Variants in BNC2 observed in about 807,000 individuals in gnomAD.
The protein encoded by BNC2 is zinc finger protein basonuclin-2.
A neutral mutation model predicts 76.3 loss-of-function variants in BNC2; 20 were observed. The observed-to-expected ratio is 0.26, with a 90% CI of 0.18 to 0.38. The LOEUF is 0.38. Among genes scored for constraint, BNC2 ranks in the 10% least tolerant of loss-of-function variants. The pLI, the probability that BNC2 is intolerant of heterozygous loss-of-function variation, is 1.00. For missense variants in BNC2, 1,382 were observed against 1,399.8 expected, an observed-to-expected ratio of 0.99 and a Z score of 0.20; for synonymous variants, 582 against 514.8, an observed-to-expected ratio of 1.13 and a Z score of -1.77.
At chr9:16,747,239 A>C (rs1288697942) in intron 1 of BNC2, among the ~76,000 whole-genome samples, 1 of 152,202 alleles carries the variant, frequency 6.6e-6, no homozygotes, top group East Asian at 1.9e-4. Context: ...AAATTTCATG[A>C]AAAGTTTCAA....
intron 5 of BNC2, among the ~76,000 whole-genome samples, chr9:16,514,597 CTT>C (rs1334012365): frequency 6.6e-6 from 1 of 152,134 alleles, no homozygotes; most frequent in African/African-American, 2.4e-5. Flanking sequence ...TCTTTCCTCT[CTT>C]ATTTATCTTT....
intron 5 of BNC2, among the ~76,000 whole-genome samples, chr9:16,461,018 T>A (rs987042164): frequency 6.6e-6 from 1 of 151,944 alleles, no homozygotes; most frequent in East Asian, 1.9e-4. Flanking sequence ...GTAAGTACCA[T>A]AATAGACTTT....
intron 3 of BNC2, among the ~76,000 whole-genome samples, chr9:16,589,329 G>A (rs1286778827): frequency 6.6e-6 from 1 of 151,584 alleles, no homozygotes; most frequent in Non-Finnish European, 1.5e-5. Context: ...GGGACTACAG[G>A]TGCACACCAC....
At chr9:16,575,425 A>C in intron 4 of BNC2, 1 of 985,288 alleles carries the variant, frequency 1.0e-6, no homozygotes, top group Non-Finnish European at 1.2e-6. Flanking sequence ...AAAAAAGAAA[A>C]TCTGGGGAGC....
At chr9:16,438,654 C>A (rs1228644239) in intron 5 of BNC2, among the ~76,000 whole-genome samples, 1 of 152,182 alleles carries the variant, frequency 6.6e-6, no homozygotes, top group Non-Finnish European at 1.5e-5. Context: ...CTGTGAGTGA[C>A]ACTTGCCCTA....
chr9:16,468,684 C>T (rs755658127), intron 5 of BNC2, among the ~76,000 whole-genome samples: 1 of 152,014 alleles, frequency 6.6e-6, no homozygotes, highest in Non-Finnish European at 1.5e-5. Context: ...AGCCACCACA[C>T]CCGGACTATA....
intron 3 of BNC2, among the ~76,000 whole-genome samples, chr9:16,706,560 G>C (rs765479334): frequency 2.0e-5 from 3 of 152,188 alleles, no homozygotes; most frequent in Non-Finnish European, 4.4e-5. Context: ...CTCAAAGCAG[G>C]TTAACATGCA....
chr9:16,601,489 TGCAA>T (rs1820242867), intron 3 of BNC2, among the ~76,000 whole-genome samples: 2 of 152,248 alleles, frequency 1.3e-5, no homozygotes, highest in South Asian at 4.1e-4. Flanking sequence ...CCTGGGACAT[TGCAA>T]GAGAAGTAAG....
intron 5 of BNC2, among the ~76,000 whole-genome samples, chr9:16,463,369 T>C (rs1431021754): frequency 1.6e-5 from 2 of 128,094 alleles, no homozygotes; most frequent in African/African-American, 7.1e-5. Flanking sequence ...GGATCTCGGC[T>C]CACTGCAAGC....
intron 5 of BNC2, among the ~76,000 whole-genome samples, chr9:16,485,715 G>A (rs1010619498): frequency 6.6e-6 from 1 of 152,126 alleles, no homozygotes; most frequent in Non-Finnish European, 1.5e-5. Flanking sequence ...CCAGCTGCGT[G>A]GGAGGACTGC....
intron 1 of BNC2, among the ~76,000 whole-genome samples, chr9:16,799,450 G>C (rs1199355455): frequency 6.6e-6 from 1 of 152,000 alleles, no homozygotes; most frequent in Non-Finnish European, 1.5e-5. Flanking sequence ...AAGTAGCTGG[G>C]ATTACCAGCA....
intron 5 of BNC2, among the ~76,000 whole-genome samples, chr9:16,495,000 G>A (rs1414022309): frequency 1.3e-5 from 2 of 152,132 alleles, no homozygotes; most frequent in African/African-American, 2.4e-5. Context: ...AAAAGAGTTT[G>A]GATGTTCTTT....
chr9:16,471,223 T>C (rs958909994), intron 5 of BNC2, among the ~76,000 whole-genome samples: 6 of 152,160 alleles, frequency 3.9e-5, no homozygotes, highest in Non-Finnish European at 8.8e-5. Flanking sequence ...ATTTCTCCCA[T>C]TTGGAATGGC....
intron 3 of BNC2, among the ~76,000 whole-genome samples, chr9:16,616,375 G>A (rs1225679220): frequency 6.6e-6 from 1 of 151,326 alleles, no homozygotes; most frequent in African/African-American, 2.4e-5. Context: ...CTGGGTGACG[G>A]AGAGAGACCC....
intron 3 of BNC2, among the ~76,000 whole-genome samples, chr9:16,692,665 G>A (rs1023001054): frequency 6.6e-6 from 1 of 152,186 alleles, no homozygotes; most frequent in African/African-American, 2.4e-5. Context: ...AAGCCACAAG[G>A]GTCAAAGGAA....
chr9:16,624,572 G>T (rs1169379765), intron 3 of BNC2, among the ~76,000 whole-genome samples: 1 of 152,068 alleles, frequency 6.6e-6, no homozygotes, highest in East Asian at 1.9e-4. Context: ...TACCATGCAT[G>T]GCAAGTGTTG....
chr9:16,578,679 A>G (rs1819550753), intron 4 of BNC2, among the ~76,000 whole-genome samples: 1 of 152,128 alleles, frequency 6.6e-6, no homozygotes, highest in African/African-American at 2.4e-5. Flanking sequence ...CCAGAAAAGG[A>G]GCCCATTACT....
At chr9:16,806,285 G>C (rs1240756823) in intron 1 of BNC2, among the ~76,000 whole-genome samples, 1 of 152,118 alleles carries the variant, frequency 6.6e-6, no homozygotes, top group African/African-American at 2.4e-5. Flanking sequence ...AGACCAGCCT[G>C]GGCAACATGG....
At chr9:16,561,749 A>T (rs7861969) in intron 4 of BNC2, among the ~76,000 whole-genome samples, 12,977 of 152,176 alleles carry the variant, frequency 0.085, 1,218 homozygotes, top group African/African-American at 0.22. Context: ...ACACCTGTAA[A>T]TCCAGCACTT....
Sources: gnomAD v4.1 joint callset for allele counts (sites outside exome capture counted in the v4.1 genomes callset) on GRCh38, gnomAD v4.1.1 for gene constraint, MANE v1.5 for transcripts, NCBI Gene and HGNC (gene_info 2026-07-23, HGNC 2026-07-21) for gene names.